The following NFASC variants were observed in gnomAD, a reference collection of about 807,000 sequenced individuals.
NFASC encodes the protein neurofascin homolog.
Under a neutral mutation model 147.5 loss-of-function variants are expected in NFASC, and 43 were observed. That is an observed-to-expected ratio of 0.29 (90% CI 0.23 to 0.38). The LOEUF (loss-of-function observed/expected upper bound fraction) is 0.38. Ranked by LOEUF, NFASC falls within the 10% of genes least tolerant of loss-of-function variation. NFASC has a pLI of 1.00. For synonymous variants in NFASC, 622 were observed against 665.5 expected (o/e 0.93, Z 1.01); for missense variants, 1,320 against 1,689.0 (o/e 0.78, Z 3.83).
Position 205,016,410 on chromosome 1 carries a change from C to T in NFASC, c.3594C>T (p.Gly1198=), listed in dbSNP as rs757577859. 8 of 1,613,756 alleles carry T rather than the reference C, an allele frequency of 5.0e-6. No homozygotes were observed. The highest frequency in any genetic ancestry group is 1.7e-5 in the Admixed American group (1 of 59,984). The part of the protein sequence containing the change: ...DDSLVDYGEG[G]EGQFNEDGSF... ...GCCTGGTGGACTATGGCGAGGGTGG[C>T]GAGGGTCAGTTCAATGAAGACGGCT... The change falls in exon 30 of 30, where the codon GGC becomes GGT. Residue 1198 remains glycine (G), a synonymous_variant. Transcript: ENST00000339876. The surrounding 1 kb of genome is among the most constrained non-coding windows in gnomAD (Gnocchi z 5.1).
chr1:204,996,187 C>T (rs1277122143), intron 24 of NFASC, among the ~76,000 whole-genome samples: 1 of 152,120 alleles, frequency 6.6e-6, no homozygotes, highest in East Asian at 1.9e-4. Context: ...TGACCAACAT[C>T]CAAGGATAGC....
intron 1 of NFASC, among the ~76,000 whole-genome samples, chr1:204,910,533 C>T (rs1167977476): frequency 2.0e-5 from 3 of 152,004 alleles, no homozygotes; most frequent in Non-Finnish European, 4.4e-5. Context: ...CTCACTGCAG[C>T]CTTGAACTCC....
chr1:204,962,072 G>C (rs2094701710), intron 8 of NFASC: 1 of 1,566,560 alleles, frequency 6.4e-7, no homozygotes, highest in Non-Finnish European at 8.8e-7. Flanking sequence ...CTTCTCCGTG[G>C]CCTCCTGTTT....
chr1:204,970,291 C>A (rs1257609165), intron 10 of NFASC, among the ~76,000 whole-genome samples: 1 of 152,176 alleles, frequency 6.6e-6, no homozygotes, highest in Non-Finnish European at 1.5e-5. Flanking sequence ...CCCAGGCCTC[C>A]TGTGAGGATT....
At chr1:204,934,151 A>AAC (rs2092629885) in intron 2 of NFASC, among the ~76,000 whole-genome samples, 1 of 151,596 alleles carries the variant, frequency 6.6e-6, no homozygotes. Context: ...AAAAAAAAAA[A>AAC]AAACAGATGA....
intron 27 of NFASC, among the ~76,000 whole-genome samples, chr1:205,008,062 G>T (rs2096167879): frequency 6.6e-6 from 1 of 152,084 alleles, no homozygotes; most frequent in South Asian, 2.1e-4. Context: ...GGGCGCCCTG[G>T]GCAACCAGAG....
chr1:204,892,380 G>T (rs1448184458), intron 1 of NFASC, among the ~76,000 whole-genome samples: 1 of 152,196 alleles, frequency 6.6e-6, no homozygotes, highest in Non-Finnish European at 1.5e-5. Flanking sequence ...CACAATCTAT[G>T]AGTCAACAAG....
At chr1:205,014,196 C>T (rs2096302711) in intron 29 of NFASC, among the ~76,000 whole-genome samples, 1 of 152,184 alleles carries the variant, frequency 6.6e-6, no homozygotes, top group South Asian at 2.1e-4. Context: ...CTGCCCCAGA[C>T]ACCAAAGCTG....
chr1:204,941,453 A>G (rs568297143), intron 2 of NFASC, among the ~76,000 whole-genome samples: 14 of 152,292 alleles, frequency 9.2e-5, no homozygotes, highest in Non-Finnish European at 1.8e-4. Context: ...TCCTAATTCT[A>G]TCAAGAGTCC....
rs1301752817 is a variant in NFASC at position 204,877,035 on chromosome 1, ATT to A, written c.-199-43595_-199-43594del. The stretch of plus-strand genomic sequence containing the variant: ...ATATATATATATATATATAATATAT[ATT>A]TATATATATATAATATATTTATTTA... On this transcript the variant is annotated intron_variant, in intron 1 of 29. Transcript: ENST00000339876. 7.2e-3 allele frequency among the ~76,000 whole-genome samples: 698 copies of A among 97,198 alleles called. 46 individuals carry two copies. The highest frequency in any genetic ancestry group is 0.071 in the East Asian group (89 of 1,258). The allele number at this position is 97,198 out of a possible 152,430, so 63.8% of individuals were successfully genotyped here. A position where few individuals can be genotyped will look rare whatever the true frequency, so the allele number is the denominator to read the frequency against.
intron 7 of NFASC, among the ~76,000 whole-genome samples, 161 bp downstream of exon 7, chr1:204,955,112 G>T (rs192597292): frequency 3.3e-5 from 5 of 152,330 alleles, no homozygotes; most frequent in African/African-American, 1.2e-4. Flanking sequence ...GCAGAGAGAG[G>T]CTGCTTGGGC....
At position 205,016,923 on chromosome 1, in the gene NFASC, C is replaced by T; in HGVS notation, c.*384C>T. ...TCTTAATTTCGCTTTGTGCATCTTC[C>T]CCTCCAGACCCAATGTCTCTGTTTT... On this transcript the variant is annotated 3_prime_UTR_variant, in exon 30 of 30. Coordinates refer to ENST00000339876, the MANE Select transcript of NFASC (RefSeq NM_001005388.3). This position sits in a 1 kb window ranked among gnomAD's most constrained non-coding sequence, Gnocchi z 5.1. 4 of 332,082 alleles carry T rather than the reference C, an allele frequency of 1.2e-5. No homozygotes were observed. The highest frequency in any genetic ancestry group is 1.1e-4 in the South Asian group (4 of 37,756). The allele number at this position is 332,082 out of a possible 1,614,324, so 20.6% of individuals were successfully genotyped here.
chr1:204,969,423 T>G (rs566937933), intron 10 of NFASC, among the ~76,000 whole-genome samples: 30 of 152,232 alleles, frequency 2.0e-4, no homozygotes, highest in African/African-American at 7.2e-4. Flanking sequence ...TAAAATCACT[T>G]CCTTCCCCCC....
Position 204,952,117 on chromosome 1 carries a change from G to T in NFASC, c.215+1G>T. On this transcript the variant is annotated splice_donor_variant, in intron 5 of 29. Transcript: ENST00000339876. LOFTEE classifies it high-confidence loss of function. ...AAGCAAAAGGGAACCCTGCCCCCAG[G>T]TGAGTGAAGGGGAAAAAGAGTGCAT... 6.2e-7 allele frequency: 1 copy of T among 1,609,626 alleles called. No individual in the cohort carries two copies. The highest frequency in any genetic ancestry group is 8.5e-7 in the Non-Finnish European group (1 of 1,175,940).
chr1:204,838,897 A>C (rs1424173850), intron 1 of NFASC, among the ~76,000 whole-genome samples: 2 of 152,220 alleles, frequency 1.3e-5, no homozygotes, highest in Non-Finnish European at 2.9e-5. Flanking sequence ...AAAGGGTGAT[A>C]AATGCTTACA....
intron 2 of NFASC, among the ~76,000 whole-genome samples, chr1:204,923,328 C>T (rs1401755985): frequency 6.6e-6 from 1 of 152,074 alleles, no homozygotes; most frequent in South Asian, 2.1e-4. Context: ...AGCCGCCCCT[C>T]CCTCCTCCTC....
intron 1 of NFASC, among the ~76,000 whole-genome samples, chr1:204,919,113 C>T (rs1265443408): frequency 2.0e-5 from 3 of 152,060 alleles, no homozygotes; most frequent in South Asian, 2.1e-4. Context: ...CAACCTCTGC[C>T]TCCCCAATTC....
intron 15 of NFASC, 53 bp from the exon 16 acceptor site, chr1:204,976,618 G>C (rs6668366): frequency 0.099 from 137,367 of 1,388,346 alleles, 8,007 homozygotes; most frequent in African/African-American, 0.24. Flanking sequence ...CAATGGGCAG[G>C]ACTCAGCACT....
In NFASC at chr1:205,019,297, CCCCAAGACATA is replaced by C. The variant is rs1242774893; in HGVS notation, c.*2761_*2771del. On this transcript the variant is annotated 3_prime_UTR_variant, in exon 30 of 30. Transcript: ENST00000339876. ...GCCAGCTGGGTCTCCCAAGCAACTA[CCCCAAGACATA>C]CCAACAGTGAAGCCAGGACAGCACC... 2.6e-5 allele frequency: 4 copies of C among 152,268 alleles called. No homozygotes were observed. The highest frequency in any genetic ancestry group is 9.7e-5 in the African/African-American group (4 of 41,446). The allele number at this position is 152,268 out of a possible 1,614,324, so 9.4% of individuals were successfully genotyped here. A position where few individuals can be genotyped will look rare whatever the true frequency, so the allele number is the denominator to read the frequency against.
Sources: allele counts gnomAD v4.1 joint callset (sites outside exome capture counted in the v4.1 genomes callset), GRCh38; gene constraint gnomAD v4.1.1; non-coding constraint Gnocchi (gnomAD v3.1); transcripts MANE v1.5; gene names NCBI Gene and HGNC (gene_info 2026-07-23, HGNC 2026-07-21).